The following TNRC6A variants were observed in gnomAD, a reference collection of about 807,000 sequenced individuals.
TNRC6A encodes the protein trinucleotide repeat containing adaptor 6A, also known as trinucleotide repeat-containing gene 6A protein.
TNRC6A carries 44 observed loss-of-function variants against 221.2 expected under a neutral mutation model. The ratio of observed to expected loss-of-function variants is 0.20; its 90% confidence interval spans 0.16 to 0.26. The LOEUF is 0.26. TNRC6A is among the 10% of genes least tolerant of loss of function. The probability of loss-of-function intolerance (pLI) is 1.00; values close to 1 mark genes in which losing one functional copy is unlikely to be tolerated. For missense variants in TNRC6A, 2,199 were observed against 2,404.4 expected (o/e 0.91, Z 1.79); for synonymous variants, 847 against 838.5 (o/e 1.01, Z -0.18).
chr16:24,771,086 G>A (rs1383562962), intron 4 of TNRC6A, among the ~76,000 whole-genome samples: 1 of 152,216 alleles, frequency 6.6e-6, no homozygotes, highest in South Asian at 2.1e-4. Context: ...GAGACTTACA[G>A]AAATGTTAAA....
chr16:24,746,532 A>C (rs2057014388), intron 2 of TNRC6A, among the ~76,000 whole-genome samples: 1 of 152,222 alleles, frequency 6.6e-6, no homozygotes, highest in South Asian at 2.1e-4. Flanking sequence ...TGGTGTGATT[A>C]CAGGATGATT....
intron 5 of TNRC6A, among the ~76,000 whole-genome samples, chr16:24,784,296 C>A (rs972948720): frequency 2.6e-5 from 4 of 152,104 alleles, no homozygotes; most frequent in African/African-American, 9.7e-5. Context: ...GCCACTGTGC[C>A]CAGCCAACAC....
chr16:24,694,427 C>T (rs369150766), intron 2 of TNRC6A, among the ~76,000 whole-genome samples: 5 of 151,238 alleles, frequency 3.3e-5, no homozygotes, highest in African/African-American at 7.3e-5. Flanking sequence ...AGGCCGAGGC[C>T]GGTGGATCAC....
chr16:24,810,019 G>A (rs2058511475), intron 18 of TNRC6A, among the ~76,000 whole-genome samples: 1 of 152,152 alleles, frequency 6.6e-6, no homozygotes, highest in African/African-American at 2.4e-5. Flanking sequence ...CATCATGCTG[G>A]CCAGGCTGGT....
At chr16:24,806,442 T>C (rs2058433565) in intron 16 of TNRC6A, 132 bp from the exon 17 acceptor site, 4 of 1,356,746 alleles carry the variant, frequency 2.9e-6, no homozygotes, top group South Asian at 2.6e-5. Flanking sequence ...CCATGAGTTA[T>C]GTGAACATTA....
chr16:24,620,851 C>T (rs1375161149), intron 1 of TNRC6A, among the ~76,000 whole-genome samples: 6 of 151,344 alleles, frequency 4.0e-5, no homozygotes, highest in East Asian at 1.9e-4. Flanking sequence ...TTTGGGAGGC[C>T]GAGGCGGGTG....
intron 1 of TNRC6A, among the ~76,000 whole-genome samples, chr16:24,621,561 T>C (rs1040945801): frequency 1.3e-5 from 2 of 152,000 alleles, no homozygotes; most frequent in Non-Finnish European, 1.5e-5. Context: ...TTTCATCGTG[T>C]TGTCCAGGCT....
chr16:24,670,974 A>T, intron 2 of TNRC6A: 1 of 409,194 alleles, frequency 2.4e-6, no homozygotes, highest in South Asian at 1.7e-5. Flanking sequence ...CGTAATTAGC[A>T]TCTGGCCGTG....
chr16:24,790,639 CAGG>C lies in TNRC6A; in HGVS notation c.2001_2003del (p.Gly668del). On this transcript the variant is annotated inframe_deletion, in exon 6 of 25. Transcript: ENST00000395799. The stretch of plus-strand genomic sequence containing the variant: ...GAGCAAAGCAGTGTGTGGGCCAAAA[CAGG>C]AGGTACAGTGGAGAGCGATGGTAGT... 12 of 1,614,176 alleles carry C rather than the reference CAGG, an allele frequency of 7.4e-6. No individual in the cohort carries two copies. The highest frequency in any genetic ancestry group is 1.0e-5 in the Non-Finnish European group (12 of 1,180,034).
At chr16:24,716,043 A>T (rs1454855661) in intron 2 of TNRC6A, among the ~76,000 whole-genome samples, 1 of 151,878 alleles carries the variant, frequency 6.6e-6, no homozygotes, top group African/African-American at 2.4e-5. Context: ...TGGTACTCTG[A>T]CCTGCAAACT....
At chr16:24,656,143 A>G (rs1358175808) in intron 2 of TNRC6A, among the ~76,000 whole-genome samples, 2 of 144,256 alleles carry the variant, frequency 1.4e-5, no homozygotes, top group East Asian at 2.0e-4. Flanking sequence ...CCTTGTCTCA[A>G]AAAAAAAAAA....
chr16:24,816,900 A>G lies in TNRC6A; in HGVS notation c.4916A>G (p.Asn1639Ser), dbSNP rs373217976. 4.3e-6 allele frequency: 7 copies of G among 1,614,108 alleles called. No homozygotes were observed. In the African/African-American group the frequency reaches 8.0e-5, roughly 18 times the overall value. The change falls in exon 20 of 25, where the codon AAC (asparagine) becomes AGC (serine). Residue 1639 changes from asparagine to serine, a missense_variant. This residue lies in a region of TNRC6A where 449 missense variants were observed against 579.7 expected (regional missense o/e 0.77). Coordinates refer to ENST00000395799, the MANE Select transcript of TNRC6A (RefSeq NM_014494.4). ...DPYVTPGSVI[N>S]NLSINTVREV... ...TACGTCACTCCTGGCAGTGTCATAA[A>G]CAATCTTTCAATTAATACTGTGCGG...
rs538679428 is a variant in TNRC6A, at chr16:24,660,102, T to TG, written n.402+19099dup. Among the ~76,000 whole-genome samples, 5 of 152,252 alleles carry TG rather than the reference T, an allele frequency of 3.3e-5. No homozygotes were observed. The South Asian group carries it at 1.0e-3, about 32-fold the overall frequency. ...TTTAACTTTTTATTTCTGTAGGTTTTGGGGGGAACAGGTAGTGTTTGGTTA... is the reference window on the plus strand; with the variant it reads ...TTTAACTTTTTATTTCTGTAGGTTTTGGGGGGGAACAGGTAGTGTTTGGTTA... On this transcript the variant is annotated intron_variant and non_coding_transcript_variant, in intron 2 of 2. Coordinates refer to the TNRC6A transcript ENST00000566108.
intron 7 of TNRC6A, 131 bp from the exon 8 acceptor site, chr16:24,794,413 C>A: frequency 1.2e-6 from 1 of 809,564 alleles, no homozygotes. Context: ...TGTGCAGATG[C>A]AGGAAGGGAA....
intron 2 of TNRC6A, among the ~76,000 whole-genome samples, chr16:24,749,709 C>T (rs1057107597): frequency 1.3e-5 from 2 of 152,186 alleles, no homozygotes; most frequent in Admixed American, 1.3e-4. Context: ...AAAGTAATAA[C>T]CCTTTTTCCT....
At chr16:24,619,504 T>C (rs1459366185) in intron 1 of TNRC6A, among the ~76,000 whole-genome samples, 2 of 152,212 alleles carry the variant, frequency 1.3e-5, no homozygotes, top group Admixed American at 1.3e-4. Flanking sequence ...TGTTCTGTCA[T>C]AGTGTAATTC....
Position 24,822,107 on chromosome 16 carries a change from G to C in TNRC6A, c.5333G>C (p.Arg1778Thr). The part of the protein sequence containing the change: ...GSSWGESSSG[R>T]ITNWLVLKNL... Reference sequence around the variant, plus strand: ...AGCTGGGGTGAGAGCAGCTCAGGGAGAATAACAAATTGGCTTGTTCTAAAA... The same window carrying C: ...AGCTGGGGTGAGAGCAGCTCAGGGACAATAACAAATTGGCTTGTTCTAAAA... Residue 1778 changes from arginine to threonine, a missense_variant, in exon 23 of 25, where the codon AGA becomes ACA. Arg to Thr is a moderately conservative substitution (Grantham distance 71). Transcript: ENST00000395799. 1 of 1,614,122 alleles carries C rather than the reference G, an allele frequency of 6.2e-7. No homozygotes were observed. Among genetic ancestry groups the C allele is most frequent in the Non-Finnish European group, 8.5e-7 (1 of 1,180,002 alleles).
chr16:24,819,165 G>A (rs1370050261), intron 21 of TNRC6A, among the ~76,000 whole-genome samples: 1 of 152,214 alleles, frequency 6.6e-6, no homozygotes, highest in African/African-American at 2.4e-5. Flanking sequence ...TCGTCCTGCA[G>A]CAGATTAGTA....
chr16:24,771,755 G>A (rs564932047), intron 4 of TNRC6A, among the ~76,000 whole-genome samples: 6 of 152,114 alleles, frequency 3.9e-5, no homozygotes, highest in African/African-American at 1.4e-4. Flanking sequence ...TATTCCTGGT[G>A]TGTTTTGGAG....
Sources: gnomAD v4.1 joint callset for allele counts (sites outside exome capture counted in the v4.1 genomes callset) on GRCh38, gnomAD v4.1.1 for gene constraint, gnomAD v4.1.1 regional missense constraint, MANE v1.5 for transcripts, NCBI Gene and HGNC (gene_info 2026-07-23, HGNC 2026-07-21) for gene names.